The following CMTM3 variants were observed in gnomAD, a reference collection of about 807,000 sequenced individuals.
The protein encoded by CMTM3 is CKLF like MARVEL transmembrane domain containing 3, also known as CKLF-like MARVEL transmembrane domain-containing protein 3.
Under a neutral mutation model 18.2 loss-of-function variants are expected in CMTM3, and 7 were observed. That is an observed-to-expected ratio of 0.38 (90% CI 0.22 to 0.72). The LOEUF is 0.72. Ranked by LOEUF, CMTM3 falls within the 30% of genes least tolerant of loss-of-function variation. The probability of loss-of-function intolerance (pLI) is 0.46; values close to 1 mark genes in which losing one functional copy is unlikely to be tolerated. For synonymous variants in CMTM3, 109 were observed against 111.2 expected, an observed-to-expected ratio of 0.98 and a Z score of 0.12; for missense variants, 227 against 249.2, an observed-to-expected ratio of 0.91 and a Z score of 0.60.
Position 66,613,769 on chromosome 16 carries a change from G to A in CMTM3, c.*1132G>A, listed in dbSNP as rs1348673525. On this transcript the variant is annotated 3_prime_UTR_variant, in exon 5 of 5. Coordinates refer to ENST00000567572, the MANE Select transcript of CMTM3 (RefSeq NM_181553.4). Reference sequence around the variant, plus strand: ...GACCACTTGCTTGGAGTGTGTGCTTGAAAAAACCAGAGCAATACTGTTGGG... The same window carrying A: ...GACCACTTGCTTGGAGTGTGTGCTTAAAAAAACCAGAGCAATACTGTTGGG... 6.6e-6 allele frequency: 1 copy of A among 152,184 alleles called. No individual in the cohort carries two copies. The highest frequency in any genetic ancestry group is 2.1e-4 in the South Asian group (1 of 4,826). 9.4% of individuals were successfully genotyped at this position (152,184 alleles called of 1,614,324 possible).
chr16:66,610,007 A>G lies in CMTM3; in HGVS notation c.520+4A>G. The stretch of plus-strand genomic sequence containing the variant: ...ACCACAGCCCACAAGACAGAAGGTA[A>G]GCGGCTGCCCTGATCACCCCAGCAG... On this transcript the variant is annotated splice_donor_region_variant and intron_variant, in intron 4 of 4. Coordinates refer to ENST00000567572, the MANE Select transcript of CMTM3 (RefSeq NM_181553.4). The surrounding 1 kb of genome is among the most constrained non-coding windows in gnomAD (Gnocchi z 4.6). 6.2e-7 allele frequency: 1 copy of G among 1,614,184 alleles called. No homozygotes were observed. Among genetic ancestry groups the G allele is most frequent in the Non-Finnish European group, 8.5e-7 (1 of 1,180,012 alleles).
Position 66,612,629 on chromosome 16 carries a change from T to C in CMTM3, c.541T>C (p.Ser181Pro). Reference sequence around the variant, plus strand: ...TTCAGAAGAGAATTCCGACTCGGACTCTGACTGAAGGCCTGGCGGGTGCCT... The same window carrying C: ...TTCAGAAGAGAATTCCGACTCGGACCCTGACTGAAGGCCTGGCGGGTGCCT... The part of the protein sequence containing the change: ...KTEEENSDSD[S>P]D The change falls in exon 5 of 5, where the codon TCT becomes CCT. Residue 181 changes from serine (S) to proline (P), a missense_variant. Transcript: ENST00000567572. This position sits in a 1 kb window ranked among gnomAD's most constrained non-coding sequence, Gnocchi z 6.0. The C allele has an allele frequency of 6.2e-7, 1 of 1,614,104 alleles. No homozygotes were observed. The highest frequency in any genetic ancestry group is 8.5e-7 in the Non-Finnish European group (1 of 1,179,996).
In CMTM3 at chr16:66,610,278, CT is replaced by C. The variant is rs1382969191; in HGVS notation, c.520+276del. Among the ~76,000 whole-genome samples the C allele has an allele frequency of 6.6e-6, 1 of 152,162 alleles. No homozygotes were observed. The highest frequency in any genetic ancestry group is 2.4e-5 in the African/African-American group (1 of 41,436). ...CGGCAAGTCTCCCTGGACGACCCCCCTGGGCAGCCAGTCACTCTCGGGCACC... is the reference window on the plus strand; with the variant it reads ...CGGCAAGTCTCCCTGGACGACCCCCCGGGCAGCCAGTCACTCTCGGGCACC... On this transcript the variant is annotated intron_variant, in intron 4 of 4. Transcript: ENST00000567572. The surrounding 1 kb of genome is among the most constrained non-coding windows in gnomAD (Gnocchi z 4.6).
rs2015439273 is a variant in CMTM3 at position 66,612,982 on chromosome 16, T to G, written c.*345T>G. 1.4e-6 allele frequency: 1 copy of G among 696,070 alleles called. No individual in the cohort carries two copies. Among genetic ancestry groups the G allele is most frequent in the East Asian group, 2.7e-5 (1 of 37,122 alleles). The allele number at this position is 696,070 out of a possible 1,614,324, so 43.1% of individuals were successfully genotyped here. On this transcript the variant is annotated 3_prime_UTR_variant, in exon 5 of 5. Coordinates refer to ENST00000567572, the MANE Select transcript of CMTM3 (RefSeq NM_181553.4). This position sits in a 1 kb window ranked among gnomAD's most constrained non-coding sequence, Gnocchi z 6.0. ...TATCTGGGCAGCAGGTGTTCCATGC[T>G]GCTAGGTGGCGGGGGTCGGGGGTCT... is the stretch of plus-strand genomic sequence containing the variant.
chr16:66,604,912 T>C lies in CMTM3; in HGVS notation c.107T>C (p.Phe36Ser). The change falls in exon 1 of 5, where the codon TTC becomes TCC. Residue 36 changes from phenylalanine (F) to serine (S), a missense_variant. Phe to Ser is a radical substitution (Grantham distance 155). Coordinates refer to ENST00000567572, the MANE Select transcript of CMTM3 (RefSeq NM_181553.4). ...GLRALLPARA[F>S]LCSLKGRLLL... is the part of the protein sequence containing the mutation. ...CGCGCCCTGCTGCCGGCGCGGGCTT[T>C]CCTCTGCTCTCTCAAAGGCCGCCTC... is the stretch of plus-strand genomic sequence containing the variant. The C allele has an allele frequency of 6.8e-7, 1 of 1,477,738 alleles. No homozygotes were observed. The highest frequency in any genetic ancestry group is 8.9e-7 in the Non-Finnish European group (1 of 1,122,598). 91.5% of individuals were successfully genotyped at this position (1,477,738 alleles called of 1,614,324 possible).
Position 66,612,523 on chromosome 16 carries a change from C to A in CMTM3, c.521-86C>A. 1 of 1,427,294 alleles carries A rather than the reference C, an allele frequency of 7.0e-7. No homozygotes were observed. The allele number at this position is 1,427,294 out of a possible 1,614,324, so 88.4% of individuals were successfully genotyped here. ...AGGCCTGCACCCAGGCTCCTGCCAG[C>A]AACCCAGCTGTGCTTCCCCAGAGAC... On this transcript the variant is annotated intron_variant, in intron 4 of 4. Coordinates refer to ENST00000567572, the MANE Select transcript of CMTM3 (RefSeq NM_181553.4). This position sits in a 1 kb window ranked among gnomAD's most constrained non-coding sequence, Gnocchi z 6.0.
rs899159851 is a variant in CMTM3 at position 66,612,470 on chromosome 16, C to G, written c.521-139C>G. 1.3e-6 allele frequency: 1 copy of G among 788,912 alleles called. No individual in the cohort carries two copies. Among genetic ancestry groups the G allele is most frequent in the Non-Finnish European group, 2.1e-6 (1 of 485,200 alleles). 48.9% of individuals were successfully genotyped at this position (788,912 alleles called of 1,614,324 possible). ...CGCGGCCTGCCCTGATGCCAGCGAT[C>G]ACTGGGAACGGTAGAGTCAGCTGCA... On this transcript the variant is annotated intron_variant, in intron 4 of 4. Coordinates refer to ENST00000567572, the MANE Select transcript of CMTM3 (RefSeq NM_181553.4). This position sits in a 1 kb window ranked among gnomAD's most constrained non-coding sequence, Gnocchi z 6.0.
rs1299155676 is a variant in CMTM3, at chr16:66,610,652, G to C, written c.520+649G>C. ...AGGCCGGTGTAGGGAAGAAGGCTGA[G>C]AGCAGAGACAGCAGGCGCTTCTGCC... On this transcript the variant is annotated intron_variant, in intron 4 of 4. Transcript: ENST00000567572. This position sits in a 1 kb window ranked among gnomAD's most constrained non-coding sequence, Gnocchi z 4.6. Among the ~76,000 whole-genome samples the C allele has an allele frequency of 6.6e-6, 1 of 152,174 alleles. No homozygotes were observed. Among genetic ancestry groups the C allele is most frequent in the Admixed American group, 6.5e-5 (1 of 15,280 alleles).
At chr16:66,606,017 G>C (rs1961746660) in intron 1 of CMTM3, among the ~76,000 whole-genome samples, 1 of 151,992 alleles carries the variant, frequency 6.6e-6, no homozygotes, top group African/African-American at 2.4e-5. Flanking sequence ...CCCCAGAGTG[G>C]CTTGAACCCC....
In CMTM3 at chr16:66,609,945, G is replaced by A; in HGVS notation, c.462G>A (p.Val154=). The A allele has an allele frequency of 6.2e-7, 1 of 1,614,120 alleles. No homozygotes were observed. ...ATTTCTACCTGATCTTTAACGACGTGGCCAAATTCCTCAAACAAGGGGACT... is the reference window on the plus strand; with the variant it reads ...ATTTCTACCTGATCTTTAACGACGTAGCCAAATTCCTCAAACAAGGGGACT... ...ATDFYLIFND[V]AKFLKQGDSA... Residue 154 remains valine, a synonymous_variant, in exon 4 of 5, where the codon GTG becomes GTA. Transcript: ENST00000567572. The surrounding 1 kb of genome is among the most constrained non-coding windows in gnomAD (Gnocchi z 4.4).
rs2015276630 is a variant in CMTM3, at chr16:66,609,244, T to G, written c.304-191T>G. 1 of 599,298 alleles carries G rather than the reference T, an allele frequency of 1.7e-6. No homozygotes were observed. Among genetic ancestry groups the G allele is most frequent in the Admixed American group, 2.9e-5 (1 of 34,166 alleles). 37.1% of individuals were successfully genotyped at this position (599,298 alleles called of 1,614,324 possible). On this transcript the variant is annotated intron_variant, in intron 2 of 4. Coordinates refer to ENST00000567572, the MANE Select transcript of CMTM3 (RefSeq NM_181553.4). The surrounding 1 kb of genome is among the most constrained non-coding windows in gnomAD (Gnocchi z 4.4). ...CCGCTGGACCCGGGATAGGGCAGTG[T>G]CAGCTGCTGGCAAGGCAGCAGAGGC...
chr16:66,605,045 C>A lies in CMTM3; in HGVS notation c.147+93C>A. ...GGCGCGGGTGGGGTCCGGGGGCGGC[C>A]GCCGTGCTCCGATACCCCCTCTCCG... On this transcript the variant is annotated intron_variant, in intron 1 of 4. Coordinates refer to ENST00000567572, the MANE Select transcript of CMTM3 (RefSeq NM_181553.4). The surrounding 1 kb of genome is among the most constrained non-coding windows in gnomAD (Gnocchi z 4.6). The A allele has an allele frequency of 8.5e-7, 1 of 1,170,176 alleles. No individual in the cohort carries two copies. Among genetic ancestry groups the A allele is most frequent in the South Asian group, 2.0e-5 (1 of 49,348 alleles). 72.5% of individuals were successfully genotyped at this position (1,170,176 alleles called of 1,614,324 possible). A position where few individuals can be genotyped will look rare whatever the true frequency, so the allele number is the denominator to read the frequency against.
Position 66,608,121 on chromosome 16 carries a change from C to G in CMTM3, c.148-188C>G, listed in dbSNP as rs2015229296. On this transcript the variant is annotated intron_variant, in intron 1 of 4. Coordinates refer to ENST00000567572, the MANE Select transcript of CMTM3 (RefSeq NM_181553.4). This position sits in a 1 kb window ranked among gnomAD's most constrained non-coding sequence, Gnocchi z 5.1. ...TGGGCCTCTCAAAGTGCTAGGATTACAGGTGTGAGCCACTGTGCTTGGCCT... is the reference window on the plus strand; with the variant it reads ...TGGGCCTCTCAAAGTGCTAGGATTAGAGGTGTGAGCCACTGTGCTTGGCCT... Among the ~76,000 whole-genome samples, 1 of 152,158 alleles carries G rather than the reference C, an allele frequency of 6.6e-6. No homozygotes were observed. Among genetic ancestry groups the G allele is most frequent in the African/African-American group, 2.4e-5 (1 of 41,438 alleles).
chr16:66,609,684 ACT>A lies in CMTM3; in HGVS notation c.399+157_399+158del, dbSNP rs1597209299. 12 of 1,539,804 alleles carry A rather than the reference ACT, an allele frequency of 7.8e-6. No homozygotes were observed. In the East Asian group the frequency reaches 2.9e-4, roughly 38 times the overall value. ...TCCAAAGTCCTCTCATTAAAGACTG[ACT>A]CTACCCGGGGTTTTGAAAGGCTGTT... On this transcript the variant is annotated intron_variant, in intron 3 of 4. Transcript: ENST00000567572. This position sits in a 1 kb window ranked among gnomAD's most constrained non-coding sequence, Gnocchi z 4.4.
intron 4 of CMTM3, among the ~76,000 whole-genome samples, chr16:66,611,596 G>C (rs1448181364): frequency 6.6e-6 from 1 of 152,164 alleles, no homozygotes; most frequent in Non-Finnish European, 1.5e-5. Flanking sequence ...AGCTCATGGG[G>C]ACTGACTGGG....
Position 66,612,507 on chromosome 16 carries a change from C to T in CMTM3, c.521-102C>T. The T allele has an allele frequency of 8.1e-7, 1 of 1,241,648 alleles. No individual in the cohort carries two copies. The highest frequency in any genetic ancestry group is 1.2e-6 in the Non-Finnish European group (1 of 863,446). The allele number at this position is 1,241,648 out of a possible 1,614,324, so 76.9% of individuals were successfully genotyped here. On this transcript the variant is annotated intron_variant, in intron 4 of 4. Coordinates refer to ENST00000567572, the MANE Select transcript of CMTM3 (RefSeq NM_181553.4). The surrounding 1 kb of genome is among the most constrained non-coding windows in gnomAD (Gnocchi z 6.0). ...TAGAGTCAGCTGCAGGAGGCCTGCA[C>T]CCAGGCTCCTGCCAGCAACCCAGCT...
chr16:66,608,368 A>G lies in CMTM3; in HGVS notation c.207A>G (p.Thr69=), dbSNP rs1567393836. ...YVASSASAFL[T]APLLEFLLAL... ...CGTCCTCAGCATCTGCCTTCCTCAC[A>G]GCGCCTCTGCTGGAGTTCCTGCTGG... The change falls in exon 2 of 5, where the codon ACA becomes ACG. Residue 69 remains threonine, a synonymous_variant. Coordinates refer to ENST00000567572, the MANE Select transcript of CMTM3 (RefSeq NM_181553.4). The surrounding 1 kb of genome is among the most constrained non-coding windows in gnomAD (Gnocchi z 5.1). 2 of 1,614,156 alleles carry G rather than the reference A, an allele frequency of 1.2e-6. No homozygotes were observed. The highest frequency in any genetic ancestry group is 8.5e-7 in the Non-Finnish European group (1 of 1,180,012).
Position 66,610,716 on chromosome 16 carries a change from G to A in CMTM3, c.520+713G>A, listed in dbSNP as rs1004817396. 46 of 397,998 alleles carry A rather than the reference G, an allele frequency of 1.2e-4. No homozygotes were observed. Among genetic ancestry groups the A allele is most frequent in the East Asian group, 9.6e-4 (27 of 28,060 alleles). 24.7% of individuals were successfully genotyped at this position (397,998 alleles called of 1,614,324 possible). On this transcript the variant is annotated intron_variant, in intron 4 of 4. Coordinates refer to ENST00000567572, the MANE Select transcript of CMTM3 (RefSeq NM_181553.4). This position sits in a 1 kb window ranked among gnomAD's most constrained non-coding sequence, Gnocchi z 4.6. ...CTCTGGACCAGGCGGATGTGCCCCTGTGCTGGCAGTGCCTGTGGCTGGACA... is the reference window on the plus strand; with the variant it reads ...CTCTGGACCAGGCGGATGTGCCCCTATGCTGGCAGTGCCTGTGGCTGGACA...
At position 66,604,821 on chromosome 16, in the gene CMTM3, C is replaced by T; in HGVS notation, c.16C>T (p.Pro6Ser). The T allele has an allele frequency of 7.7e-7, 1 of 1,303,864 alleles. No individual in the cohort carries two copies. Among genetic ancestry groups the T allele is most frequent in the Non-Finnish European group, 9.7e-7 (1 of 1,032,618 alleles). 80.8% of individuals were successfully genotyped at this position (1,303,864 alleles called of 1,614,324 possible). Residue 6 changes from proline (P) to serine (S), a missense_variant, in exon 1 of 5, where the codon CCC becomes TCC. Coordinates refer to ENST00000567572, the MANE Select transcript of CMTM3 (RefSeq NM_181553.4). The stretch of plus-strand genomic sequence containing the variant: ...CGCCGCCGCCATGTGGCCCCCAGAC[C>T]CCGACCCCGACCCGGACCCCGAGCC... MWPPD[P>S]DPDPDPEPAG...
Sources: gnomAD v4.1 joint callset for allele counts (sites outside exome capture counted in the v4.1 genomes callset) on GRCh38, gnomAD v4.1.1 for gene constraint, Gnocchi (gnomAD v3.1) non-coding constraint, MANE v1.5 for transcripts, NCBI Gene and HGNC (gene_info 2026-07-23, HGNC 2026-07-21) for gene names.